Variants in NELL1 observed in about 807,000 individuals in gnomAD.
NELL1 encodes the protein neural EGFL like 1.
NELL1 carries 76 observed loss-of-function variants against 107.4 expected under a neutral mutation model. The observed-to-expected ratio is 0.71, with a 90% CI of 0.59 to 0.86. The LOEUF is 0.86. NELL1 is among the 40% of genes least tolerant of loss of function. The pLI is 0.00. For synonymous variants in NELL1, 353 were observed against 341.2 expected, an observed-to-expected ratio of 1.03 and a Z score of -0.38; for missense variants, 1,024 against 1,005.5, an observed-to-expected ratio of 1.02 and a Z score of -0.25.
chr11:21,018,323 C>T (rs1852616972), intron 12 of NELL1, among the ~76,000 whole-genome samples: 1 of 152,034 alleles, frequency 6.6e-6, no homozygotes, highest in Admixed American at 6.6e-5. Flanking sequence ...CAAAGGAGTA[C>T]ACTTAGCCGT....
intron 14 of NELL1, among the ~76,000 whole-genome samples, chr11:21,321,742 G>A (rs912712901): frequency 2.6e-5 from 4 of 152,126 alleles, no homozygotes; most frequent in Non-Finnish European, 5.9e-5. Context: ...GCAGAACCAG[G>A]ACTCCTTTTC....
intron 15 of NELL1, among the ~76,000 whole-genome samples, chr11:21,491,386 G>A (rs1854806079): frequency 1.3e-5 from 2 of 152,092 alleles, no homozygotes; most frequent in Admixed American, 1.3e-4. Context: ...AAGGTATAAG[G>A]AAGGGATCCA....
At chr11:21,008,730 G>A (rs1458972093) in intron 12 of NELL1, among the ~76,000 whole-genome samples, 4 of 152,060 alleles carry the variant, frequency 2.6e-5, no homozygotes, top group East Asian at 3.9e-4. Context: ...GAAGTCCAGA[G>A]GTTTCTCTGT....
chr11:21,220,239 A>T (rs1218302709), intron 13 of NELL1, among the ~76,000 whole-genome samples: 1 of 152,192 alleles, frequency 6.6e-6, no homozygotes, highest in African/African-American at 2.4e-5. Context: ...TTATGCCAGT[A>T]TCATGCTGTT....
intron 14 of NELL1, among the ~76,000 whole-genome samples, chr11:21,258,316 C>A (rs922552470): frequency 6.6e-6 from 1 of 151,866 alleles, no homozygotes; most frequent in Non-Finnish European, 1.5e-5. Flanking sequence ...AAACAGACCT[C>A]AATTGAAATT....
At position 21,096,906 on chromosome 11, in the gene NELL1, C is replaced by T. The variant is rs141813351; in HGVS notation, c.1301-16683C>T. On this transcript the variant is annotated intron_variant, in intron 12 of 19. Transcript: ENST00000357134. ...TTTGTATTATTATTATTTGTAGAGA[C>T]GGGTTTTGTTGTGTTGTCCTGGCTG... Among the ~76,000 whole-genome samples, 42 of 151,924 alleles carry T rather than the reference C, an allele frequency of 2.8e-4. No individual in the cohort carries two copies. The East Asian group carries it at 4.9e-3, about 18-fold the overall frequency.
chr11:21,367,103 C>G (rs1332922416), intron 14 of NELL1, among the ~76,000 whole-genome samples: 1 of 151,962 alleles, frequency 6.6e-6, no homozygotes. Context: ...GAACCTCTCT[C>G]AAATATGAAT....
At chr11:21,389,193 T>C (rs1337783346) in intron 15 of NELL1, among the ~76,000 whole-genome samples, 1 of 151,794 alleles carries the variant, frequency 6.6e-6, no homozygotes, top group Non-Finnish European at 1.5e-5. Flanking sequence ...TATTCTCTCT[T>C]ATAGGTGAGG....
intron 17 of NELL1, among the ~76,000 whole-genome samples, chr11:21,567,597 G>A (rs775236133): frequency 1.3e-5 from 2 of 151,764 alleles, no homozygotes; most frequent in Non-Finnish European, 2.9e-5. Context: ...TGTTATATAT[G>A]TAGCTGGCAT....
chr11:20,738,303 T>A (rs1181900149), intron 2 of NELL1, among the ~76,000 whole-genome samples: 4 of 152,110 alleles, frequency 2.6e-5, no homozygotes, highest in Admixed American at 6.5e-5. Context: ...ACAGAGAGCC[T>A]GGCACACAGG....
intron 13 of NELL1, among the ~76,000 whole-genome samples, chr11:21,133,245 G>A (rs1855665418): frequency 2.0e-5 from 3 of 152,166 alleles, no homozygotes. Context: ...GTCTGGCTGA[G>A]TTTGAATTTT....
chr11:21,342,488 T>G (rs1281912668), intron 14 of NELL1, among the ~76,000 whole-genome samples: 1 of 150,052 alleles, frequency 6.7e-6, no homozygotes, highest in Admixed American at 6.6e-5. Context: ...CTACACATTA[T>G]AAACAAATTA....
chr11:21,469,816 G>T (rs1221126530), intron 15 of NELL1, among the ~76,000 whole-genome samples: 2 of 152,154 alleles, frequency 1.3e-5, no homozygotes, highest in East Asian at 3.9e-4. Context: ...GTAGTATCTT[G>T]AATCCACAAC....
At chr11:21,026,981 G>A (rs1178642193) in intron 12 of NELL1, among the ~76,000 whole-genome samples, 1 of 152,002 alleles carries the variant, frequency 6.6e-6, no homozygotes. Flanking sequence ...TTTCCTTCCT[G>A]TGGGCTATGA....
chr11:20,825,734 T>C (rs1242538699), intron 3 of NELL1, among the ~76,000 whole-genome samples: 1 of 151,286 alleles, frequency 6.6e-6, no homozygotes. Context: ...GATAAGAATA[T>C]GGACTTGGAC....
At chr11:21,456,663 T>C (rs912677849) in intron 15 of NELL1, among the ~76,000 whole-genome samples, 1 of 152,170 alleles carries the variant, frequency 6.6e-6, no homozygotes, top group African/African-American at 2.4e-5. Context: ...GAATCTATTA[T>C]GCTAGGCTTT....
At chr11:21,453,946 A>T (rs1321773919) in intron 15 of NELL1, among the ~76,000 whole-genome samples, 2 of 149,264 alleles carry the variant, frequency 1.3e-5, no homozygotes, top group African/African-American at 2.5e-5. Context: ...ACTTTACTTT[A>T]CTTTAAGTTT....
At chr11:21,562,616 T>G (rs1363996613) in intron 17 of NELL1, among the ~76,000 whole-genome samples, 3 of 152,050 alleles carry the variant, frequency 2.0e-5, no homozygotes, top group Non-Finnish European at 4.4e-5. Flanking sequence ...CTGTTTCAAT[T>G]CAATTTGATA....
At chr11:21,511,838 G>A (rs369295378) in intron 15 of NELL1, among the ~76,000 whole-genome samples, 48 of 152,198 alleles carry the variant, frequency 3.2e-4, no homozygotes, top group Admixed American at 7.9e-4. Context: ...GATCTTATAG[G>A]GAGTCATAAT....
Sources: allele counts gnomAD v4.1 joint callset (sites outside exome capture counted in the v4.1 genomes callset), GRCh38; gene constraint gnomAD v4.1.1; transcripts MANE v1.5; gene names NCBI Gene and HGNC (gene_info 2026-07-23, HGNC 2026-07-21).